ECE1: variants seen among roughly 807,000 people sequenced by gnomAD.
ECE1 encodes endothelin converting enzyme 1.
Under a neutral mutation model 98.6 loss-of-function variants are expected in ECE1, and 35 were observed. That is an observed-to-expected ratio of 0.35 (90% confidence interval 0.27 to 0.47). ECE1 has a LOEUF of 0.47. Ranked by LOEUF, ECE1 falls within the 20% of genes least tolerant of loss-of-function variation. The pLI, the probability that ECE1 is intolerant of heterozygous loss-of-function variation, is 1.00. For synonymous variants in ECE1, 394 were observed against 407.1 expected (o/e 0.97, Z 0.39); for missense variants, 814 against 1,025.3 (o/e 0.79, Z 2.81).
intron 1 of ECE1, among the ~76,000 whole-genome samples, chr1:21,321,690 A>G (rs1479568648): frequency 1.3e-5 from 2 of 152,166 alleles, no homozygotes; most frequent in Non-Finnish European, 2.9e-5. Flanking sequence ...ATCTCGGCTC[A>G]CTGCAACCTC....
chr1:21,259,519 G>A (rs1455146269), intron 5 of ECE1, among the ~76,000 whole-genome samples: 4 of 152,122 alleles, frequency 2.6e-5, no homozygotes, highest in Admixed American at 6.5e-5. Context: ...TCCTGCCTCA[G>A]CCTCCCGAGA....
intron 1 of ECE1, among the ~76,000 whole-genome samples, chr1:21,331,862 C>A (rs559081073): frequency 6.6e-6 from 1 of 152,148 alleles, no homozygotes; most frequent in African/African-American, 2.4e-5. Flanking sequence ...AGTAAAACAC[C>A]GCGGGCAGGA....
chr1:21,237,417 C>T (rs966488115), intron 11 of ECE1, among the ~76,000 whole-genome samples: 15 of 152,160 alleles, frequency 9.9e-5, no homozygotes, highest in Non-Finnish European at 1.8e-4. Flanking sequence ...GCAGAGGGGC[C>T]AGCAGACCCC....
intron 4 of ECE1, among the ~76,000 whole-genome samples, chr1:21,270,294 C>T (rs2098238772): frequency 6.6e-6 from 1 of 152,232 alleles, no homozygotes; most frequent in Non-Finnish European, 1.5e-5. Context: ...AGCAGTGGCT[C>T]TAAAGAGCAT....
Position 21,220,113 on chromosome 1 carries a change from T to G in ECE1, c.2155A>C (p.Thr719Pro). The change falls in exon 19 of 19, where the codon ACA (threonine) becomes CCA (proline). Residue 719 changes from threonine to proline, a missense_variant. Thr to Pro is a conservative substitution (Grantham distance 38, BLOSUM62 -1). Around this residue, in one of 3 missense-constraint regions of ECE1, gnomAD observed 452 missense variants for 567.3 expected, o/e 0.80. Transcript: ENST00000374893. The surrounding 1 kb of genome is among the most constrained non-coding windows in gnomAD (Gnocchi z 5.0). ...GFAQVWCSVR[T>P]PESSHEGLIT... ...AGGCCTTCGTGGGAGCTCTCAGGTG[T>G]GCGGACGGAGCACCAGACCTTTGAA... 6.2e-7 allele frequency: 1 copy of G among 1,612,890 alleles called. No individual in the cohort carries two copies. The highest frequency in any genetic ancestry group is 8.5e-7 in the Non-Finnish European group (1 of 1,179,152).
intron 10 of ECE1, among the ~76,000 whole-genome samples, chr1:21,241,424 T>C (rs1484752457): frequency 1.1e-5 from 1 of 91,168 alleles, no homozygotes; most frequent in Non-Finnish European, 2.1e-5. Flanking sequence ...GGTTGAGGTG[T>C]TTTTTTTTTT....
At chr1:21,281,924 T>C (rs2098254991) in intron 2 of ECE1, among the ~76,000 whole-genome samples, 1 of 152,150 alleles carries the variant, frequency 6.6e-6, no homozygotes, top group African/African-American at 2.4e-5. Context: ...CTCGAACTCC[T>C]AACATCGTGA....
At chr1:21,320,888 T>C (rs747309954) in intron 1 of ECE1, among the ~76,000 whole-genome samples, 2 of 152,198 alleles carry the variant, frequency 1.3e-5, no homozygotes, top group Non-Finnish European at 2.9e-5. Context: ...GCCGAGGTGG[T>C]GCCTTGAGGA....
At chr1:21,326,308 T>C (rs1462698155) in intron 1 of ECE1, among the ~76,000 whole-genome samples, 1 of 151,812 alleles carries the variant, frequency 6.6e-6, no homozygotes, top group African/African-American at 2.4e-5. Flanking sequence ...GAGTGCCTAC[T>C]GTGTGTCAAG....
At chr1:21,334,409 C>G (rs576784599) in intron 1 of ECE1, among the ~76,000 whole-genome samples, 2 of 152,352 alleles carry the variant, frequency 1.3e-5, no homozygotes, top group African/African-American at 4.8e-5. Context: ...CCATCTTCCA[C>G]CAGACCAGCC....
chr1:21,312,397 T>A (rs1262978867), intron 1 of ECE1, among the ~76,000 whole-genome samples: 1 of 149,178 alleles, frequency 6.7e-6, no homozygotes, highest in Non-Finnish European at 1.5e-5. Flanking sequence ...TGTGATTGCA[T>A]CCCTGCACTC....
upstream of ECE1, among the ~76,000 whole-genome samples, chr1:21,291,349 A>G (rs2098266420): frequency 6.6e-6 from 1 of 152,214 alleles, no homozygotes; most frequent in South Asian, 2.1e-4. Context: ...TGCAAAGTGC[A>G]TTTCTGCTCA....
intron 2 of ECE1, among the ~76,000 whole-genome samples, chr1:21,288,803 G>A (rs138030201): frequency 4.4e-3 from 670 of 152,294 alleles, no homozygotes; most frequent in Non-Finnish European, 7.4e-3. Context: ...TGTCGCTCTC[G>A]GATTTTTAGC....
Position 21,327,194 on chromosome 1 carries a change from C to G in ECE1, c.3+18182G>C, listed in dbSNP as rs1207779738. Among the ~76,000 whole-genome samples, 1 of 152,216 alleles carries G rather than the reference C, an allele frequency of 6.6e-6. No individual in the cohort carries two copies. Among genetic ancestry groups the G allele is most frequent in the Non-Finnish European group, 1.5e-5 (1 of 68,036 alleles). ...AGGAGACTGGGAAGAGGGACTCTGC[C>G]AGAGCAGCTGCCAGGAATCTGGGGC... On this transcript the variant is annotated intron_variant, in intron 1 of 18. Transcript: ENST00000415912. This position sits in a 1 kb window ranked among gnomAD's most constrained non-coding sequence, Gnocchi z 4.6.
intron 1 of ECE1, among the ~76,000 whole-genome samples, chr1:21,309,840 A>G (rs1400356485): frequency 5.9e-4 from 79 of 134,142 alleles, no homozygotes; most frequent in Middle Eastern, 5.6e-3. Context: ...CGCCCAGGCT[A>G]GAGTGTAGTG....
rs142728527 is a variant in ECE1 at position 21,273,700 on chromosome 1, C to T, written c.281-789G>A. ...AGGCTACGCCAGGTGCCGTGGCTCA[C>T]GCCTGTAATCCCAGCACTTTGGGAG... is the stretch of plus-strand genomic sequence containing the variant. On this transcript the variant is annotated intron_variant, in intron 3 of 18. Coordinates refer to ENST00000374893, the MANE Select transcript of ECE1 (RefSeq NM_001397.3). Among the ~76,000 whole-genome samples, 368 of 152,294 alleles carry T rather than the reference C, an allele frequency of 2.4e-3. 1 individual carries two copies. The highest frequency in any genetic ancestry group is 8.5e-3 in the African/African-American group (352 of 41,562).
chr1:21,238,054 G>T, intron 11 of ECE1, 80 bp downstream of exon 11: 1 of 1,321,292 alleles, frequency 7.6e-7, no homozygotes, highest in Non-Finnish European at 1.1e-6. Flanking sequence ...CCCAGGGTGG[G>T]CTGGAGTGTG....
chr1:21,290,498 G>T, upstream of ECE1: 1 of 1,215,772 alleles, frequency 8.2e-7, no homozygotes, highest in South Asian at 4.1e-5. This position sits in a 1 kb window ranked among gnomAD's most constrained non-coding sequence, Gnocchi z 7.3. Flanking sequence ...CTTCGCGGGC[G>T]GGGCCTGATC....
At chr1:21,321,012 G>A (rs1638951540) in intron 1 of ECE1, among the ~76,000 whole-genome samples, 1 of 152,234 alleles carries the variant, frequency 6.6e-6, no homozygotes, top group Non-Finnish European at 1.5e-5. Context: ...TTTAACCCAT[G>A]CCAGGCACCG....
Sources: allele counts gnomAD v4.1 joint callset (sites outside exome capture counted in the v4.1 genomes callset), GRCh38; gene constraint gnomAD v4.1.1; regional missense constraint gnomAD v4.1.1; non-coding constraint Gnocchi (gnomAD v3.1); transcripts MANE v1.5; gene names NCBI Gene and HGNC (gene_info 2026-07-23, HGNC 2026-07-21).